The following KCNJ16 variants were observed in gnomAD, a reference collection of about 807,000 sequenced individuals.
KCNJ16 encodes the protein inward rectifier potassium channel 16.
In KCNJ16, 15 loss-of-function variants were observed where a neutral mutation model predicts 18.5. The ratio of observed to expected loss-of-function variants is 0.81; its 90% CI spans 0.54 to 1.25. KCNJ16 has a LOEUF of 1.25. Among genes scored for constraint, KCNJ16 ranks in the 50% most tolerant of loss-of-function variants. KCNJ16 has a pLI of 0.00. For synonymous variants in KCNJ16, 174 were observed against 186.5 expected, an observed-to-expected ratio of 0.93 and a Z score of 0.55; for missense variants, 523 against 525.7, an observed-to-expected ratio of 0.99 and a Z score of 0.05.
chr17:70,132,278 C>G lies in KCNJ16; in HGVS notation c.191C>G (p.Thr64Ser). 1 of 1,614,220 alleles carries G rather than the reference C, an allele frequency of 6.2e-7. No homozygotes were observed. Among genetic ancestry groups the G allele is most frequent in the Non-Finnish European group, 8.5e-7 (1 of 1,180,034 alleles). ...WGSYVVDIFT[T>S]LVDTKWRHMF... ...AGCTATGTGGTTGACATCTTCACCACTCTTGTGGACACCAAGTGGCGCCAT... is the reference window on the plus strand; with the variant it reads ...AGCTATGTGGTTGACATCTTCACCAGTCTTGTGGACACCAAGTGGCGCCAT... Residue 64 changes from threonine to serine, a missense_variant, in exon 4 of 4, where the codon ACT (threonine) becomes AGT (serine). Coordinates refer to ENST00000392671, the MANE Select transcript of KCNJ16 (RefSeq NM_170741.4).
At chr17:70,116,243 C>T (rs1176583957) in intron 2 of KCNJ16, among the ~76,000 whole-genome samples, 1 of 152,094 alleles carries the variant, frequency 6.6e-6, no homozygotes, top group Non-Finnish European at 1.5e-5. Flanking sequence ...AAAAGGCCCA[C>T]ATTTTTTTCC....
intron 2 of KCNJ16, among the ~76,000 whole-genome samples, chr17:70,105,729 GCTTT>G (rs60354875): frequency 0.094 from 14,353 of 152,128 alleles, 699 homozygotes; most frequent in African/African-American, 0.12. Context: ...TCTGCTCATT[GCTTT>G]CTTTCAATTT....
intron 1 of KCNJ16, among the ~76,000 whole-genome samples, chr17:70,078,713 C>T (rs1184495517): frequency 6.6e-6 from 1 of 152,102 alleles, no homozygotes; most frequent in Non-Finnish European, 1.5e-5. Context: ...CTGGTCCCTG[C>T]CCCCAGCCTG....
At position 70,124,497 on chromosome 17, in the gene KCNJ16, G is replaced by A. The variant is rs149150099; in HGVS notation, c.-190-6382G>A. ...CAACTACTCCCAAGGGGAATGTAGAGGCTGTTGGGGGAAGTGGTTTCCTTA... is the reference window on the plus strand; with the variant it reads ...CAACTACTCCCAAGGGGAATGTAGAAGCTGTTGGGGGAAGTGGTTTCCTTA... On this transcript the variant is annotated intron_variant, in intron 2 of 3. Transcript: ENST00000392671. 1.6e-4 allele frequency among the ~76,000 whole-genome samples: 25 copies of A among 152,334 alleles called. No individual in the cohort carries two copies. The East Asian group carries it at 4.4e-3, about 27-fold the overall frequency.
intron 1 of KCNJ16, among the ~76,000 whole-genome samples, chr17:70,092,539 TATAGATAG>T (rs752708256): frequency 0.022 from 2,327 of 105,984 alleles, 81 homozygotes; most frequent in East Asian, 0.075. Context: ...GACAGATAGA[TATAGATAG>T]ATATAGATAG....
intron 2 of KCNJ16, among the ~76,000 whole-genome samples, chr17:70,109,398 CCT>C (rs940421985): frequency 7.2e-5 from 11 of 152,212 alleles, no homozygotes; most frequent in Admixed American, 3.3e-4. Context: ...ATCTGATTAT[CCT>C]CTCTCAGTTT....
intron 2 of KCNJ16, among the ~76,000 whole-genome samples, chr17:70,105,733 T>G (rs1048236481): frequency 3.2e-5 from 4 of 124,836 alleles, no homozygotes; most frequent in Non-Finnish European, 7.2e-5. Flanking sequence ...CTCATTGCTT[T>G]CTTTCAATTT....
chr17:70,091,579 AC>A (rs2072092728), intron 1 of KCNJ16, among the ~76,000 whole-genome samples: 1 of 133,692 alleles, frequency 7.5e-6, no homozygotes, highest in Non-Finnish European at 1.6e-5. Flanking sequence ...TCCACTCAGC[AC>A]CCCACCTTAT....
At chr17:70,118,706 C>G (rs1397581889) in intron 2 of KCNJ16, among the ~76,000 whole-genome samples, 1 of 152,048 alleles carries the variant, frequency 6.6e-6, no homozygotes. Context: ...GAGATGCGCC[C>G]CCATGATGAA....
In KCNJ16 at chr17:70,095,870, C is replaced by CTCTTTTTTTTTTTTTT. The variant is rs1567784556; in HGVS notation, c.-299-4787_-299-4786insCTTTTTTTTTTTTTTT. On this transcript the variant is annotated intron_variant, in intron 1 of 3. Coordinates refer to ENST00000392671, the MANE Select transcript of KCNJ16 (RefSeq NM_170741.4). Reference sequence around the variant, plus strand: ...ATTTGGCATTTTATATTACTTAATCCTTTTTTTTTTTTTTTTTTTTTTTTT... The same window carrying CTCTTTTTTTTTTTTTT: ...ATTTGGCATTTTATATTACTTAATCCTCTTTTTTTTTTTTTTTTTTTTTTTTTTTTTTTTTTTTTTT... Among the ~76,000 whole-genome samples the CTCTTTTTTTTTTTTTT allele has an allele frequency of 5.2e-5, 5 of 95,402 alleles. 2 individuals are homozygous for CTCTTTTTTTTTTTTTT. The highest frequency in any genetic ancestry group is 2.7e-4 in the Admixed American group (2 of 7,534). The allele number at this position is 95,402 out of a possible 152,430, so 62.6% of individuals were successfully genotyped here.
intron 2 of KCNJ16, among the ~76,000 whole-genome samples, chr17:70,119,501 A>G (rs1197885427): frequency 6.6e-6 from 1 of 152,228 alleles, no homozygotes; most frequent in Non-Finnish European, 1.5e-5. Flanking sequence ...TCTGAAATCA[A>G]GTAAGAGGCT....
chr17:70,127,964 T>C (rs1014859287), intron 2 of KCNJ16: 3 of 152,178 alleles, frequency 2.0e-5, no homozygotes, highest in Admixed American at 6.5e-5. Flanking sequence ...TCATGTTAAG[T>C]AGATGCTAGA....
In KCNJ16 at chr17:70,133,399, C is replaced by T; in HGVS notation, c.*55C>T. The T allele has an allele frequency of 6.7e-7, 1 of 1,495,790 alleles. No homozygotes were observed. Among genetic ancestry groups the T allele is most frequent in the Non-Finnish European group, 9.1e-7 (1 of 1,100,044 alleles). The allele number at this position is 1,495,790 out of a possible 1,614,324, so 92.7% of individuals were successfully genotyped here. On this transcript the variant is annotated 3_prime_UTR_variant, in exon 4 of 4. Transcript: ENST00000392671. ...TGAATCATTTTATCTTTCAGCCAAT[C>T]AAGTCGTTGTAAACGTGGCTTTTTT...
At chr17:70,086,838 A>G (rs1052687990) in intron 1 of KCNJ16, among the ~76,000 whole-genome samples, 1 of 152,210 alleles carries the variant, frequency 6.6e-6, no homozygotes, top group African/African-American at 2.4e-5. Context: ...TGAAAATAAC[A>G]AACAACATTT....
In KCNJ16 at chr17:70,108,949, G is replaced by A. The variant is rs116501964; in HGVS notation, c.-191+8183G>A. ...TCCACACGCACGTCCTTCTGCTCTG[G>A]GCCGTGGGATGGGTCATTCCTAGAA... On this transcript the variant is annotated intron_variant, in intron 2 of 3. Coordinates refer to ENST00000392671, the MANE Select transcript of KCNJ16 (RefSeq NM_170741.4). Among the ~76,000 whole-genome samples the A allele has an allele frequency of 7.2e-3, 1,087 of 152,022 alleles. 17 individuals are homozygous for A. The highest frequency in any genetic ancestry group is 0.025 in the African/African-American group (1,042 of 41,452).
At chr17:70,093,387 G>A (rs111493149) in intron 1 of KCNJ16, among the ~76,000 whole-genome samples, 10 of 152,274 alleles carry the variant, frequency 6.6e-5, no homozygotes, top group Middle Eastern at 3.4e-3. Flanking sequence ...CCTTGTAGCA[G>A]TGCAATTCAT....
chr17:70,114,856 T>C (rs1284667087), intron 2 of KCNJ16, among the ~76,000 whole-genome samples: 2 of 152,182 alleles, frequency 1.3e-5, no homozygotes, highest in Non-Finnish European at 2.9e-5. Flanking sequence ...AATTCCACTT[T>C]CCATTCGTTA....
At chr17:70,095,660 C>G (rs772619446) in intron 1 of KCNJ16, among the ~76,000 whole-genome samples, 7 of 151,960 alleles carry the variant, frequency 4.6e-5, no homozygotes, top group Non-Finnish European at 8.8e-5. Flanking sequence ...TTCAGATGAT[C>G]GTTGTTTATT....
At chr17:70,089,366 A>G (rs2071981329) in intron 1 of KCNJ16, among the ~76,000 whole-genome samples, 1 of 152,228 alleles carries the variant, frequency 6.6e-6, no homozygotes, top group Admixed American at 6.5e-5. Context: ...AGAGTCTTGC[A>G]TAATTTGCAT....
Sources: gnomAD v4.1 joint callset for allele counts (sites outside exome capture counted in the v4.1 genomes callset) on GRCh38, gnomAD v4.1.1 for gene constraint, MANE v1.5 for transcripts, NCBI Gene and HGNC (gene_info 2026-07-23, HGNC 2026-07-21) for gene names.